PRR16: variants seen among roughly 807,000 people sequenced by gnomAD.
PRR16 encodes protein Largen.
A neutral mutation model predicts 18.2 loss-of-function variants in PRR16; 6 were observed. That is an observed-to-expected ratio of 0.33 (90% CI 0.18 to 0.65). PRR16 has a LOEUF of 0.65. Ranked by LOEUF, PRR16 falls within the 30% of genes least tolerant of loss-of-function variation. PRR16 has a pLI of 0.74. For missense variants in PRR16, 412 were observed against 376.6 expected (o/e 1.09, Z -0.78); for synonymous variants, 151 against 147.8 (o/e 1.02, Z -0.16).
At chr5:120,736,655 T>C in the PRR16 span, among the ~76,000 whole-genome samples, 1 of 150,078 alleles carries the variant, frequency 6.7e-6, no homozygotes, top group African/African-American at 2.4e-5. Flanking sequence ...ATGGATTACA[T>C]TGAATGTATA....
the PRR16 span, among the ~76,000 whole-genome samples, chr5:120,762,943 T>C: frequency 6.6e-6 from 1 of 152,162 alleles, no homozygotes; most frequent in Admixed American, 6.6e-5. Context: ...GAGTTGATTT[T>C]TGTGTGTGGT....
intron 1 of PRR16, among the ~76,000 whole-genome samples, chr5:120,477,962 C>G (rs913685457): frequency 6.6e-6 from 1 of 152,202 alleles, no homozygotes; most frequent in African/African-American, 2.4e-5. Context: ...GCAGCATTTC[C>G]TGTTCTTCTT....
At chr5:120,572,752 T>A (rs903893048) in intron 1 of PRR16, among the ~76,000 whole-genome samples, 1 of 152,040 alleles carries the variant, frequency 6.6e-6, no homozygotes, top group Non-Finnish European at 1.5e-5. Flanking sequence ...AATCAAGAAA[T>A]AATAGGTCAT....
At chr5:120,491,783 G>A (rs575148611) in intron 1 of PRR16, among the ~76,000 whole-genome samples, 4 of 152,100 alleles carry the variant, frequency 2.6e-5, no homozygotes, top group African/African-American at 7.2e-5. Flanking sequence ...ACCTCAGGCA[G>A]TCTGCCCGCC....
the PRR16 span, among the ~76,000 whole-genome samples, chr5:120,775,345 C>A: frequency 6.6e-6 from 1 of 152,004 alleles, no homozygotes; most frequent in Admixed American, 6.6e-5. Flanking sequence ...AGTCACTAGA[C>A]CAGAAACAAT....
intron 1 of PRR16, among the ~76,000 whole-genome samples, chr5:120,483,077 G>A (rs1048426819): frequency 6.6e-6 from 1 of 152,104 alleles, no homozygotes; most frequent in Non-Finnish European, 1.5e-5. Context: ...ATCAACAAAC[G>A]TTCATTTGTC....
the PRR16 span, among the ~76,000 whole-genome samples, chr5:120,757,078 ACTTT>A: frequency 1.3e-5 from 2 of 152,032 alleles, no homozygotes; most frequent in African/African-American, 2.4e-5. Flanking sequence ...AACAGGGAGT[ACTTT>A]CTTTATTGCT....
At chr5:120,573,181 G>C (rs187609437) in intron 1 of PRR16, among the ~76,000 whole-genome samples, 123 of 151,736 alleles carry the variant, frequency 8.1e-4, no homozygotes, top group African/African-American at 2.8e-3. Context: ...GTGACTTTAA[G>C]TCTGTGAATT....
chr5:120,555,513 G>C lies in PRR16; in HGVS notation c.159+90868G>C, dbSNP rs146075708. Among the ~76,000 whole-genome samples, 481 of 151,692 alleles carry C rather than the reference G, an allele frequency of 3.2e-3. 2 individuals are homozygous for C. The highest frequency in any genetic ancestry group is 4.0e-3 in the Non-Finnish European group (274 of 67,854). On this transcript the variant is annotated intron_variant, in intron 1 of 1. Coordinates refer to ENST00000407149, the MANE Select transcript of PRR16 (RefSeq NM_001300783.2). ...TGTATTCTCACATGGTGGTGGGGTG[G>C]GGTGTGTGTGTGGGAGAGATAGAGA...
At chr5:120,528,590 C>T (rs1363151857) in intron 1 of PRR16, among the ~76,000 whole-genome samples, 1 of 152,024 alleles carries the variant, frequency 6.6e-6, no homozygotes, top group Non-Finnish European at 1.5e-5. Context: ...TCCAAGTTTC[C>T]AGATGTGGCT....
intron 1 of PRR16, among the ~76,000 whole-genome samples, chr5:120,504,596 G>C (rs929960941): frequency 6.6e-6 from 1 of 152,112 alleles, no homozygotes; most frequent in Non-Finnish European, 1.5e-5. Context: ...GACATGGGCG[G>C]TGATCATTGA....
the PRR16 span, among the ~76,000 whole-genome samples, chr5:120,701,192 G>C: frequency 2.0e-5 from 3 of 152,078 alleles, no homozygotes; most frequent in South Asian, 2.1e-4. Flanking sequence ...TTCTATTATT[G>C]TACACCTTGA....
chr5:120,702,907 C>G, the PRR16 span, among the ~76,000 whole-genome samples: 2 of 152,162 alleles, frequency 1.3e-5, no homozygotes, highest in Admixed American at 1.3e-4. Flanking sequence ...AACAGGAGGA[C>G]AGGGGATTGA....
At chr5:120,738,716 T>C in the PRR16 span, among the ~76,000 whole-genome samples, 12 of 152,310 alleles carry the variant, frequency 7.9e-5, no homozygotes, top group East Asian at 2.3e-3. Context: ...GGTGCATTTG[T>C]GTACCGACTT....
chr5:120,715,200 A>G, the PRR16 span, among the ~76,000 whole-genome samples: 3 of 152,044 alleles, frequency 2.0e-5, no homozygotes, highest in African/African-American at 4.8e-5. Context: ...TCTGTTTTAC[A>G]CTTAGATCTG....
the PRR16 span, among the ~76,000 whole-genome samples, chr5:120,725,029 A>G: frequency 6.6e-6 from 1 of 152,080 alleles, no homozygotes; most frequent in Admixed American, 6.6e-5. Flanking sequence ...AGATTATTAG[A>G]GAGAAGATAA....
chr5:120,572,094 C>T (rs116086798), intron 1 of PRR16, among the ~76,000 whole-genome samples: 543 of 152,250 alleles, frequency 3.6e-3, no homozygotes, highest in African/African-American at 0.012. Flanking sequence ...AGACCTAGAT[C>T]TAGAAACTGG....
At chr5:120,493,723 A>G (rs1034634547) in intron 1 of PRR16, among the ~76,000 whole-genome samples, 3 of 152,136 alleles carry the variant, frequency 2.0e-5, no homozygotes, top group African/African-American at 7.2e-5. Context: ...GACAATCACT[A>G]ATCTGTTTTC....
the PRR16 span, among the ~76,000 whole-genome samples, chr5:120,747,283 C>T: frequency 6.6e-6 from 1 of 152,116 alleles, no homozygotes; most frequent in Non-Finnish European, 1.5e-5. Context: ...GACCTACTAG[C>T]CAATTTACCT....
Sources: gnomAD v4.1 joint callset for allele counts (sites outside exome capture counted in the v4.1 genomes callset) on GRCh38, gnomAD v4.1.1 for gene constraint, MANE v1.5 for transcripts, NCBI Gene and HGNC (gene_info 2026-07-23, HGNC 2026-07-21) for gene names.